The following TNS1 variants were observed in gnomAD, a reference collection of about 807,000 sequenced individuals.
The protein encoded by TNS1 is tensin 1.
Under a neutral mutation model 168.6 loss-of-function variants are expected in TNS1, and 62 were observed. The ratio of observed to expected loss-of-function variants is 0.37; its 90% CI spans 0.30 to 0.45. The LOEUF (loss-of-function observed/expected upper bound fraction) is 0.45. Ranked by LOEUF, TNS1 falls within the 20% of genes least tolerant of loss-of-function variation. The probability of loss-of-function intolerance (pLI) is 1.00; values close to 1 mark genes in which losing one functional copy is unlikely to be tolerated. For missense variants in TNS1, 2,240 were observed against 2,339.4 expected, an observed-to-expected ratio of 0.96 and a Z score of 0.88; for synonymous variants, 934 against 933.2, an observed-to-expected ratio of 1.00 and a Z score of -0.02.
intron 18 of TNS1, among the ~76,000 whole-genome samples, chr2:217,867,736 G>A (rs1191432387): frequency 6.6e-6 from 1 of 152,214 alleles, no homozygotes; most frequent in East Asian, 1.9e-4. Flanking sequence ...CAGGGCCTTT[G>A]CACCTGCTGT....
At position 217,961,811 on chromosome 2, in the gene TNS1, T is replaced by C. The variant is rs1015300184; in HGVS notation, c.186+16954A>G. Among the ~76,000 whole-genome samples the C allele has an allele frequency of 3.3e-5, 5 of 152,166 alleles. No individual in the cohort carries two copies. In the East Asian group the frequency reaches 7.7e-4, roughly 23 times the overall value. On this transcript the variant is annotated intron_variant, in intron 3 of 32. Transcript: ENST00000682258. ...TCTCTGTATCAACTTGACTAGGCTA[T>C]AGTACCCAGTGATTTAACCAAACAC... is the stretch of plus-strand genomic sequence containing the variant.
chr2:217,997,079 A>G (rs1958483702), intron 1 of TNS1, among the ~76,000 whole-genome samples: 1 of 151,990 alleles, frequency 6.6e-6, no homozygotes. Context: ...TCCAGCTTCT[A>G]GGCACATTCA....
At chr2:217,810,977 T>C (rs1940777924) in intron 28 of TNS1, among the ~76,000 whole-genome samples, 1 of 151,998 alleles carries the variant, frequency 6.6e-6, no homozygotes, top group South Asian at 2.1e-4. Flanking sequence ...TCCCATGCTC[T>C]AGCAGATTAT....
intron 2 of TNS1, among the ~76,000 whole-genome samples, chr2:217,987,275 G>A (rs940186917): frequency 1.3e-5 from 2 of 152,096 alleles, no homozygotes; most frequent in African/African-American, 4.8e-5. Flanking sequence ...CCTCACAGCA[G>A]CCCCCCAGAG....
At chr2:217,815,192 T>C in intron 24 of TNS1, 194 bp from the exon 25 acceptor site, 1 of 586,404 alleles carries the variant, frequency 1.7e-6, no homozygotes, top group Non-Finnish European at 3.1e-6. Flanking sequence ...ATGCCTGGTG[T>C]CCTTACAAGG....
intron 1 of TNS1, among the ~76,000 whole-genome samples, chr2:218,017,808 C>A (rs1206545574): frequency 6.6e-6 from 1 of 152,214 alleles, no homozygotes; most frequent in Non-Finnish European, 1.5e-5. Flanking sequence ...AGCTACTGAA[C>A]AATATCTCAA....
intron 3 of TNS1, among the ~76,000 whole-genome samples, chr2:217,933,179 C>T (rs1473112180): frequency 6.6e-6 from 1 of 152,204 alleles, no homozygotes; most frequent in Non-Finnish European, 1.5e-5. Flanking sequence ...GTAATGCTTC[C>T]TTGCTCCCAG....
At chr2:217,846,313 T>C (rs1946640065) in intron 19 of TNS1, among the ~76,000 whole-genome samples, 1 of 152,176 alleles carries the variant, frequency 6.6e-6, no homozygotes, top group Admixed American at 6.5e-5. Context: ...CTCTGAAGTA[T>C]AGGAGCAGGG....
At chr2:217,821,470 G>A (rs190844300) in intron 23 of TNS1, among the ~76,000 whole-genome samples, 7 of 152,280 alleles carry the variant, frequency 4.6e-5, no homozygotes, top group Non-Finnish European at 7.3e-5. Flanking sequence ...CACATTCACC[G>A]TGGTACCCTT....
chr2:218,025,923 A>C (rs895482522), intron 1 of TNS1, among the ~76,000 whole-genome samples: 24 of 152,254 alleles, frequency 1.6e-4, no homozygotes, highest in African/African-American at 5.1e-4. Context: ...CAATGAGGCT[A>C]GGACGCATCC....
chr2:217,960,434 T>C (rs1353363924), intron 3 of TNS1, among the ~76,000 whole-genome samples: 2 of 152,110 alleles, frequency 1.3e-5, no homozygotes, highest in African/African-American at 4.8e-5. Context: ...TCTCAGCCTC[T>C]TGGGAACATG....
In TNS1 at chr2:217,900,152, A is replaced by G. The variant is rs375364605; in HGVS notation, c.371+311T>C. Among the ~76,000 whole-genome samples, 29 of 152,200 alleles carry G rather than the reference A, an allele frequency of 1.9e-4. No individual in the cohort carries two copies. In the East Asian group the frequency reaches 4.1e-3, roughly 21 times the overall value. On this transcript the variant is annotated intron_variant, in intron 7 of 32. Transcript: ENST00000682258. ...GGTGGCTGTGTGACCTTTACAAGTC[A>G]CCTCATCTCTCTGAAATGCTGCTCT...
chr2:217,936,716 A>T (rs1410191948), intron 3 of TNS1, among the ~76,000 whole-genome samples: 2 of 151,866 alleles, frequency 1.3e-5, no homozygotes, highest in Admixed American at 6.6e-5. Flanking sequence ...ATATCCCCCC[A>T]TCTTGAGCCC....
At chr2:217,972,963 T>C (rs971103601) in intron 3 of TNS1, among the ~76,000 whole-genome samples, 13 of 152,002 alleles carry the variant, frequency 8.6e-5, no homozygotes, top group Admixed American at 4.6e-4. Flanking sequence ...TAAATAAAAG[T>C]TATTTGAAAG....
chr2:217,968,100 G>T (rs889784680), intron 3 of TNS1, among the ~76,000 whole-genome samples: 1 of 152,312 alleles, frequency 6.6e-6, no homozygotes. Context: ...ACCATTTCAT[G>T]ATTTCAAAAA....
chr2:217,924,154 T>G (rs1394089124), intron 3 of TNS1, among the ~76,000 whole-genome samples: 1 of 152,210 alleles, frequency 6.6e-6, no homozygotes, highest in Non-Finnish European at 1.5e-5. Context: ...CCTAGTTCTG[T>G]TCTTCCTTGG....
At chr2:217,970,679 G>T (rs1225855550) in intron 3 of TNS1, among the ~76,000 whole-genome samples, 1 of 152,116 alleles carries the variant, frequency 6.6e-6, no homozygotes, top group Non-Finnish European at 1.5e-5. Flanking sequence ...ATATAGAGAC[G>T]GGAAGATTAG....
intron 20 of TNS1, 136 bp from the exon 21 acceptor site, chr2:217,835,302 T>A: frequency 1.3e-6 from 1 of 767,736 alleles, no homozygotes; most frequent in Non-Finnish European, 2.1e-6. Flanking sequence ...TCACTGGTGC[T>A]CAGGGCAGGA....
At chr2:217,810,837 A>G (rs1940739302) in intron 28 of TNS1, among the ~76,000 whole-genome samples, 1 of 152,144 alleles carries the variant, frequency 6.6e-6, no homozygotes, top group African/African-American at 2.4e-5. Flanking sequence ...GTAACCCACA[A>G]TGTATGCATT....
Sources: gnomAD v4.1 joint callset for allele counts (sites outside exome capture counted in the v4.1 genomes callset) on GRCh38, gnomAD v4.1.1 for gene constraint, MANE v1.5 for transcripts, NCBI Gene and HGNC (gene_info 2026-07-23, HGNC 2026-07-21) for gene names.